The following GPR158 variants were observed in gnomAD, a reference collection of about 807,000 sequenced individuals.
GPR158 encodes G protein-coupled receptor 158.
Under a neutral mutation model 78.2 loss-of-function variants are expected in GPR158, and 30 were observed. The observed-to-expected ratio is 0.38, with a 90% CI of 0.29 to 0.52. The LOEUF is 0.52. Among genes scored for constraint, GPR158 ranks in the 20% least tolerant of loss-of-function variants. The pLI, the probability that GPR158 is intolerant of heterozygous loss-of-function variation, is 0.83. For missense variants in GPR158, 1,463 were observed against 1,523.5 expected (o/e 0.96, Z 0.66); for synonymous variants, 581 against 591.1 (o/e 0.98, Z 0.25).
chr10:25,555,614 A>C (rs868319769), intron 6 of GPR158, among the ~76,000 whole-genome samples: 1 of 152,196 alleles, frequency 6.6e-6, no homozygotes, highest in African/African-American at 2.4e-5. Context: ...AGGCAGAGTG[A>C]GCAAATGTTT....
intron 7 of GPR158, among the ~76,000 whole-genome samples, chr10:25,581,411 G>A (rs1034347473): frequency 6.6e-6 from 1 of 152,146 alleles, no homozygotes; most frequent in African/African-American, 2.4e-5. Context: ...TGACCACATT[G>A]TCTTGGCTTA....
At chr10:25,432,831 A>G (rs1010886293) in intron 4 of GPR158, among the ~76,000 whole-genome samples, 1 of 152,126 alleles carries the variant, frequency 6.6e-6, no homozygotes, top group East Asian at 1.9e-4. Context: ...ATTATTATCC[A>G]TACTGAGTGT....
chr10:25,576,558 T>TAG (rs1022922663), intron 7 of GPR158, among the ~76,000 whole-genome samples: 4 of 152,164 alleles, frequency 2.6e-5, no homozygotes, highest in African/African-American at 9.6e-5. Flanking sequence ...AAAGAGGACA[T>TAG]AGAGAGTAAT....
intron 2 of GPR158, among the ~76,000 whole-genome samples, chr10:25,286,052 C>T (rs1289223521): frequency 6.6e-6 from 1 of 152,040 alleles, no homozygotes; most frequent in Non-Finnish European, 1.5e-5. Context: ...TGGTGACGTT[C>T]AATATTTTTT....
chr10:25,385,223 C>A (rs1591249), intron 2 of GPR158, among the ~76,000 whole-genome samples: 97,991 of 151,888 alleles, frequency 0.65, 32,570 homozygotes, highest in Non-Finnish European at 0.73. Flanking sequence ...GAGTATTTGG[C>A]TTTTTGTGCT....
intron 6 of GPR158, among the ~76,000 whole-genome samples, chr10:25,564,313 T>C (rs1261883490): frequency 1.3e-5 from 2 of 152,186 alleles, no homozygotes; most frequent in Admixed American, 1.3e-4. Flanking sequence ...TTTGTGAGAA[T>C]GTTCCAGGCT....
intron 1 of GPR158, among the ~76,000 whole-genome samples, chr10:25,182,314 A>G (rs1259604944): frequency 1.3e-5 from 2 of 152,198 alleles, no homozygotes; most frequent in Non-Finnish European, 2.9e-5. Context: ...TTTCTAGACC[A>G]AGGGCCTCAG....
At chr10:25,362,953 G>C (rs1855662919) in intron 2 of GPR158, among the ~76,000 whole-genome samples, 1 of 151,616 alleles carries the variant, frequency 6.6e-6, no homozygotes. Context: ...ATCTCTTTCT[G>C]TCCTTTTGCT....
rs148180856 is a variant in GPR158, at chr10:25,295,973, A to C, written c.1008+74816A>C. Among the ~76,000 whole-genome samples, 436 of 151,526 alleles carry C rather than the reference A, an allele frequency of 2.9e-3. 2 individuals carry two copies. The highest frequency in any genetic ancestry group is 0.01 in the African/African-American group (421 of 41,332). The stretch of plus-strand genomic sequence containing the variant: ...AGACCTCAGAAGCTGAGATTTCCAT[A>C]GGTATTCTTGTGAAAGTCATTTATT... On this transcript the variant is annotated intron_variant, in intron 2 of 10. Transcript: ENST00000376351.
intron 5 of GPR158, among the ~76,000 whole-genome samples, chr10:25,497,644 A>G (rs946753767): frequency 2.0e-5 from 3 of 152,138 alleles, no homozygotes; most frequent in African/African-American, 7.2e-5. Context: ...TCATTTATCC[A>G]TTCATGAGCT....
intron 2 of GPR158, among the ~76,000 whole-genome samples, chr10:25,369,073 A>G (rs978592010): frequency 1.3e-5 from 2 of 151,444 alleles, no homozygotes; most frequent in African/African-American, 4.9e-5. Context: ...TTGGGCTGAG[A>G]CAATGGGGTT....
At chr10:25,273,137 T>A (rs1854138616) in intron 2 of GPR158, among the ~76,000 whole-genome samples, 2 of 152,196 alleles carry the variant, frequency 1.3e-5, no homozygotes, top group Admixed American at 6.5e-5. Context: ...AAATGCACCT[T>A]CCACATCAGC....
chr10:25,480,317 T>C (rs958419811), intron 5 of GPR158, among the ~76,000 whole-genome samples: 2 of 152,208 alleles, frequency 1.3e-5, no homozygotes, highest in African/African-American at 4.8e-5. Flanking sequence ...ATAACCATTC[T>C]TTTTCATTAT....
chr10:25,487,634 C>G (rs1835752014), intron 5 of GPR158, among the ~76,000 whole-genome samples: 1 of 152,124 alleles, frequency 6.6e-6, no homozygotes, highest in Non-Finnish European at 1.5e-5. Flanking sequence ...ACTTCCTTAT[C>G]TGTAAGTTGA....
intron 2 of GPR158, among the ~76,000 whole-genome samples, chr10:25,302,690 C>G (rs1854616953): frequency 6.6e-6 from 1 of 152,114 alleles, no homozygotes; most frequent in Non-Finnish European, 1.5e-5. Context: ...ACAATTTTAG[C>G]TTGCGAGCCA....
chr10:25,269,228 G>A (rs758872803), intron 2 of GPR158, among the ~76,000 whole-genome samples: 1 of 152,312 alleles, frequency 6.6e-6, no homozygotes, highest in East Asian at 1.9e-4. Flanking sequence ...GGGAGAACAT[G>A]AAGTTGGATT....
intron 2 of GPR158, among the ~76,000 whole-genome samples, chr10:25,332,399 A>G (rs1281768449): frequency 6.6e-6 from 1 of 152,144 alleles, no homozygotes; most frequent in Non-Finnish European, 1.5e-5. Flanking sequence ...ATGTTGGTTT[A>G]CTTGGAATAA....
At chr10:25,439,474 C>A (rs1012983574) in intron 4 of GPR158, among the ~76,000 whole-genome samples, 1 of 152,134 alleles carries the variant, frequency 6.6e-6, no homozygotes, top group Non-Finnish European at 1.5e-5. Flanking sequence ...CATCAAGTCT[C>A]CTGTCTCTGA....
At chr10:25,420,923 A>C (rs1416185766) in intron 4 of GPR158, among the ~76,000 whole-genome samples, 6 of 152,128 alleles carry the variant, frequency 3.9e-5, no homozygotes, top group African/African-American at 9.7e-5. Flanking sequence ...TATTCTTTTT[A>C]AAATTGTTTT....
Sources: gnomAD v4.1 joint callset for allele counts (sites outside exome capture counted in the v4.1 genomes callset) on GRCh38, gnomAD v4.1.1 for gene constraint, MANE v1.5 for transcripts, NCBI Gene and HGNC (gene_info 2026-07-23, HGNC 2026-07-21) for gene names.